CHODL: variants seen among roughly 807,000 people sequenced by gnomAD.
The protein encoded by CHODL is chondrolectin.
CHODL carries 29 observed loss-of-function variants against 34.5 expected under a neutral mutation model. The ratio of observed to expected loss-of-function variants is 0.84; its 90% CI spans 0.63 to 1.15. CHODL has a LOEUF of 1.15. CHODL is among the 50% of genes most tolerant of loss of function. The pLI is 0.00. For synonymous variants in CHODL, 125 were observed against 116.1 expected, an observed-to-expected ratio of 1.08 and a Z score of -0.49; for missense variants, 332 against 332.5, an observed-to-expected ratio of 1.00 and a Z score of 0.01.
intron 2 of CHODL, among the ~76,000 whole-genome samples, chr21:18,072,021 C>A (rs1429176798): frequency 6.6e-6 from 1 of 151,910 alleles, no homozygotes; most frequent in Non-Finnish European, 1.5e-5. Flanking sequence ...GTTTGCATTA[C>A]AGAAGTATAT....
rs781291899 is a variant in CHODL, at chr21:18,260,214, G to T, written c.562G>T (p.Ala188Ser). The T allele has an allele frequency of 2.5e-6, 4 of 1,569,666 alleles. No homozygotes were observed. Among genetic ancestry groups the T allele is most frequent in the Admixed American group, 1.9e-5 (1 of 53,192 alleles). The change falls in exon 4 of 6, where the codon GCC becomes TCC. Residue 188 changes from alanine to serine, a missense_variant. Transcript: ENST00000299295. Reference sequence around the variant, plus strand: ...ATTATTTACAGAGATTAATCCAACAGCCCCTGTAGAAAAGCCTTATCTTAC... The same window carrying T: ...ATTATTTACAGAGATTAATCCAACATCCCCTGTAGAAAAGCCTTATCTTAC... The part of the protein sequence containing the change: ...CKYEPEINPT[A>S]PVEKPYLTNQ...
At chr21:17,974,031 T>A (rs1433107923) in intron 1 of CHODL, among the ~76,000 whole-genome samples, 3 of 152,184 alleles carry the variant, frequency 2.0e-5, no homozygotes, top group South Asian at 4.1e-4. Context: ...TACTTCTCTG[T>A]GCCAGAGTGA....
chr21:18,188,304 A>G (rs374544673), intron 2 of CHODL, among the ~76,000 whole-genome samples: 2 of 152,070 alleles, frequency 1.3e-5, no homozygotes, highest in Non-Finnish European at 2.9e-5. Context: ...ATACTCATCT[A>G]TATTCATCTC....
At chr21:18,203,594 T>C (rs900836291) in intron 2 of CHODL, among the ~76,000 whole-genome samples, 2 of 152,184 alleles carry the variant, frequency 1.3e-5, no homozygotes, top group Admixed American at 1.3e-4. Flanking sequence ...ACACTGTCTG[T>C]CATTCCCAAG....
chr21:18,259,145 C>T (rs2074350604), intron 3 of CHODL, among the ~76,000 whole-genome samples: 1 of 152,086 alleles, frequency 6.6e-6, no homozygotes, highest in African/African-American at 2.4e-5. Context: ...AATTAAAATT[C>T]TTCTCTATCC....
chr21:18,256,593 A>T lies in CHODL; in HGVS notation c.164A>T (p.Gln55Leu). Reference protein sequence around the residue: ...FHELSSRVSFQEARLACESEG... With the variant: ...FHELSSRVSFLEARLACESEG... ...GAACTGTCCAGCCGAGTGAGCTTTC[A>T]GGAGGCACGCCTGGCTTGTGAGAGT... is the stretch of plus-strand genomic sequence containing the variant. The change falls in exon 2 of 6, where the codon CAG becomes CTG. Residue 55 changes from glutamine (Q) to leucine (L), a missense_variant. Transcript: ENST00000299295. 1.9e-6 allele frequency: 3 copies of T among 1,613,874 alleles called. No individual in the cohort carries two copies. In the South Asian group the frequency reaches 3.3e-5, roughly 18 times the overall value.
intron 2 of CHODL, among the ~76,000 whole-genome samples, chr21:18,105,125 T>C (rs562380133): frequency 2.0e-5 from 3 of 152,346 alleles, no homozygotes; most frequent in African/African-American, 4.8e-5. Flanking sequence ...ACCCATGAGA[T>C]AGGCTTAAAT....
intron 1 of CHODL, among the ~76,000 whole-genome samples, chr21:18,249,138 T>A (rs1382069307): frequency 2.2e-5 from 3 of 134,744 alleles, no homozygotes; most frequent in Non-Finnish European, 4.6e-5. Context: ...TATATAATAA[T>A]ATATATATAT....
chr21:18,003,373 AATAAT>A (rs2063929285), intron 1 of CHODL, among the ~76,000 whole-genome samples: 1 of 134,874 alleles, frequency 7.4e-6, no homozygotes, highest in Non-Finnish European at 1.7e-5. Context: ...TCAGAAAAAT[AATAAT>A]ATATTACATT....
rs372890223 is a variant in CHODL at position 18,254,893 on chromosome 21, G to C, written c.80-1616G>C. Among the ~76,000 whole-genome samples the C allele has an allele frequency of 1.3e-3, 196 of 151,652 alleles. 2 individuals carry two copies. The highest frequency in any genetic ancestry group is 4.6e-3 in the African/African-American group (190 of 41,364). ...GAGATTTTTTTTTCAAACTCTTTTT[G>C]CCTATGTGTTTAAGACTTCACAGAT... On this transcript the variant is annotated intron_variant, in intron 1 of 5. Transcript: ENST00000299295.
At chr21:18,089,787 A>T (rs981507756) in intron 2 of CHODL, among the ~76,000 whole-genome samples, 1 of 152,230 alleles carries the variant, frequency 6.6e-6, no homozygotes, top group Admixed American at 6.5e-5. Context: ...ATTCTACAGG[A>T]AACAGGATAT....
intron 2 of CHODL, among the ~76,000 whole-genome samples, chr21:18,184,878 C>T (rs747118693): frequency 6.6e-6 from 1 of 152,092 alleles, no homozygotes; most frequent in Non-Finnish European, 1.5e-5. Flanking sequence ...CCTAGTTCTT[C>T]GTTATTTATG....
At chr21:18,180,371 G>A (rs1264030470) in intron 2 of CHODL, among the ~76,000 whole-genome samples, 2 of 152,072 alleles carry the variant, frequency 1.3e-5, no homozygotes, top group African/African-American at 2.4e-5. Context: ...ACTCAAACAC[G>A]TGGGCTCAAG....
chr21:18,074,996 T>G (rs2064847826), intron 2 of CHODL, among the ~76,000 whole-genome samples: 1 of 152,214 alleles, frequency 6.6e-6, no homozygotes, highest in Non-Finnish European at 1.5e-5. Flanking sequence ...CCAAGCCAGC[T>G]TCTCAAACTT....
At chr21:18,190,933 G>T (rs2073503455) in intron 2 of CHODL, among the ~76,000 whole-genome samples, 1 of 152,052 alleles carries the variant, frequency 6.6e-6, no homozygotes, top group African/African-American at 2.4e-5. Flanking sequence ...TTTCGTGTCT[G>T]GAAATAAAAG....
chr21:17,989,217 A>G (rs2063778365), intron 1 of CHODL, among the ~76,000 whole-genome samples: 1 of 152,210 alleles, frequency 6.6e-6, no homozygotes, highest in Non-Finnish European at 1.5e-5. Context: ...GATGCAGAAT[A>G]CTGTTTGGGG....
At chr21:18,169,769 C>G (rs1348627339) in intron 2 of CHODL, among the ~76,000 whole-genome samples, 1 of 151,910 alleles carries the variant, frequency 6.6e-6, no homozygotes, top group Non-Finnish European at 1.5e-5. Flanking sequence ...CTCTAAGCAC[C>G]ACATTAGCTG....
chr21:17,918,448 T>C (rs1302980236), intron 1 of CHODL, among the ~76,000 whole-genome samples: 23 of 152,164 alleles, frequency 1.5e-4, no homozygotes, highest in Admixed American at 1.5e-3. Context: ...AAGGAGCAAG[T>C]CATGTCTTAC....
intron 1 of CHODL, among the ~76,000 whole-genome samples, chr21:17,948,125 A>G (rs693881): frequency 0.42 from 64,236 of 151,920 alleles, 13,950 homozygotes; most frequent in East Asian, 0.64. Context: ...ACAGAGTGGA[A>G]TAACAAACAT....
Sources: allele counts gnomAD v4.1 joint callset (sites outside exome capture counted in the v4.1 genomes callset), GRCh38; gene constraint gnomAD v4.1.1; transcripts MANE v1.5; gene names NCBI Gene and HGNC (gene_info 2026-07-23, HGNC 2026-07-21).